The following EML5 variants were observed in gnomAD, a reference collection of about 807,000 sequenced individuals.
The protein encoded by EML5 is echinoderm microtubule-associated protein-like 5.
In EML5, 120 loss-of-function variants were observed where a neutral mutation model predicts 250.0. The observed-to-expected ratio is 0.48, with a 90% confidence interval of 0.41 to 0.56. The LOEUF (loss-of-function observed/expected upper bound fraction) is 0.56. Ranked by LOEUF, EML5 falls within the 20% of genes least tolerant of loss-of-function variation. The pLI is 0.00. For missense variants in EML5, 2,006 were observed against 2,437.6 expected (o/e 0.82, Z 3.73); for synonymous variants, 771 against 806.5 (o/e 0.96, Z 0.75).
intron 14 of EML5, 41 bp from the exon 15 acceptor site, chr14:88,696,993 A>C (rs1201819373): frequency 4.0e-6 from 5 of 1,252,680 alleles, no homozygotes; most frequent in Non-Finnish European, 4.3e-6. Context: ...CAATTAAATT[A>C]TTTATTTCCA....
At chr14:88,726,878 A>AT (rs1161605998) in intron 7 of EML5, among the ~76,000 whole-genome samples, 200 bp from the exon 8 acceptor site, 2 of 152,026 alleles carry the variant, frequency 1.3e-5, no homozygotes, top group Admixed American at 6.6e-5. Flanking sequence ...TTTGCTTTGA[A>AT]TTTTTTTGGC....
chr14:88,719,662 T>TA (rs2093559130), intron 8 of EML5, among the ~76,000 whole-genome samples: 1 of 151,808 alleles, frequency 6.6e-6, no homozygotes, highest in Non-Finnish European at 1.5e-5. Context: ...CATATGACTC[T>TA]ATGATATGAG....
chr14:88,660,497 C>T (rs981088852), intron 25 of EML5, among the ~76,000 whole-genome samples: 1 of 152,008 alleles, frequency 6.6e-6, no homozygotes, highest in African/African-American at 2.4e-5. Context: ...AATCCTAGTA[C>T]TTTGGGAGGT....
chr14:88,780,809 G>A (rs778556796), intron 1 of EML5, among the ~76,000 whole-genome samples: 6 of 152,130 alleles, frequency 3.9e-5, no homozygotes, highest in Non-Finnish European at 5.9e-5. Context: ...TCTTGACCTC[G>A]TGATCCATCT....
intron 13 of EML5, 97 bp from the exon 14 acceptor site, chr14:88,702,729 AT>A: frequency 2.3e-6 from 2 of 867,556 alleles, no homozygotes; most frequent in Non-Finnish European, 3.3e-6. Flanking sequence ...TGGGTGAATC[AT>A]TCAATTTCCA....
At chr14:88,665,710 G>A (rs1486134684) in intron 21 of EML5, among the ~76,000 whole-genome samples, 3 of 152,098 alleles carry the variant, frequency 2.0e-5, no homozygotes, top group African/African-American at 7.2e-5. Flanking sequence ...GAGAAGGGGC[G>A]AGGGGGAAGA....
At chr14:88,653,091 C>T (rs1181498349) in intron 27 of EML5, among the ~76,000 whole-genome samples, 2 of 151,964 alleles carry the variant, frequency 1.3e-5, no homozygotes, top group Non-Finnish European at 2.9e-5. Flanking sequence ...CATGATTTGG[C>T]TGTTTGTCTA....
At chr14:88,693,599 T>G (rs561130518) in intron 17 of EML5, among the ~76,000 whole-genome samples, 2 of 152,224 alleles carry the variant, frequency 1.3e-5, no homozygotes, top group South Asian at 4.1e-4. Context: ...ATGCAGCCAA[T>G]AAATGGCAAT....
chr14:88,679,560 C>T (rs555389234), intron 21 of EML5, among the ~76,000 whole-genome samples: 55 of 152,144 alleles, frequency 3.6e-4, no homozygotes, highest in African/African-American at 6.7e-4. Context: ...GCCGTGGTGG[C>T]GCACGCCTGT....
chr14:88,621,389 T>C, intron 37 of EML5, 88 bp from the exon 38 acceptor site: 1 of 1,529,078 alleles, frequency 6.5e-7, no homozygotes, highest in Middle Eastern at 1.7e-4. Context: ...ATTGACCTGC[T>C]TTCAGAGAAC....
At chr14:88,785,323 C>T (rs563277094) in intron 1 of EML5, among the ~76,000 whole-genome samples, 22 of 152,196 alleles carry the variant, frequency 1.4e-4, no homozygotes, top group Admixed American at 1.1e-3. Context: ...TTTAGAATAA[C>T]TAAAAGGTTG....
intron 8 of EML5, among the ~76,000 whole-genome samples, chr14:88,722,777 T>A (rs1053049643): frequency 6.6e-6 from 1 of 151,936 alleles, no homozygotes; most frequent in Non-Finnish European, 1.5e-5. Flanking sequence ...TAAAAAAAAA[T>A]TTGCAACCCC....
chr14:88,727,471 G>A (rs1434911603), intron 7 of EML5, among the ~76,000 whole-genome samples: 3 of 144,908 alleles, frequency 2.1e-5, no homozygotes, highest in Non-Finnish European at 3.0e-5. Flanking sequence ...GTGTGATCTC[G>A]GCTCACTGCA....
intron 1 of EML5, among the ~76,000 whole-genome samples, chr14:88,780,125 T>C (rs964503927): frequency 6.6e-6 from 1 of 152,086 alleles, no homozygotes; most frequent in Admixed American, 6.6e-5. Flanking sequence ...CTAATTTTTG[T>C]ATTTTTAGTA....
At chr14:88,644,233 G>A (rs1179340143) in intron 30 of EML5, among the ~76,000 whole-genome samples, 200 bp downstream of exon 30, 1 of 152,126 alleles carries the variant, frequency 6.6e-6, no homozygotes, top group Non-Finnish European at 1.5e-5. Flanking sequence ...TCACAGAAAA[G>A]TAAAAGGAAG....
intron 7 of EML5, among the ~76,000 whole-genome samples, chr14:88,729,851 A>C (rs2093725945): frequency 1.4e-5 from 2 of 144,362 alleles, no homozygotes; most frequent in South Asian, 2.2e-4. Context: ...ATAAGCCACC[A>C]CACTCGGTCT....
At chr14:88,765,590 T>G (rs79412496) in intron 1 of EML5, among the ~76,000 whole-genome samples, 78 of 152,302 alleles carry the variant, frequency 5.1e-4, no homozygotes, top group Non-Finnish European at 9.8e-4. Context: ...TAATTCAAGA[T>G]ACTCTCAATA....
At position 88,644,478 on chromosome 14, in the gene EML5, C is replaced by T. The variant is rs369750451; in HGVS notation, c.4062G>A (p.Glu1354=). 2 of 1,613,610 alleles carry T rather than the reference C, an allele frequency of 1.2e-6. No homozygotes were observed. The highest frequency in any genetic ancestry group is 1.7e-6 in the Non-Finnish European group (2 of 1,179,776). The change falls in exon 30 of 44, where the codon GAG becomes GAA. Residue 1354 remains glutamate, a synonymous_variant. Transcript: ENST00000554922. ...TGCCTACATTGTTTGTCTGGAGTTTCTCTGGCTGTGGTGGGGCCCTGCTCA... is the reference window on the plus strand; with the variant it reads ...TGCCTACATTGTTTGTCTGGAGTTTTTCTGGCTGTGGTGGGGCCCTGCTCA... The part of the protein sequence containing the change: ...PPVSRAPPQP[E]KLQTNNVGKK...
chr14:88,641,104 C>T (rs748629832), intron 31 of EML5, among the ~76,000 whole-genome samples: 9 of 151,856 alleles, frequency 5.9e-5, no homozygotes, highest in Non-Finnish European at 1.3e-4. Context: ...TAATGAGTTC[C>T]AAAATTGAAT....
Sources: allele counts gnomAD v4.1 joint callset (sites outside exome capture counted in the v4.1 genomes callset), GRCh38; gene constraint gnomAD v4.1.1; transcripts MANE v1.5; gene names NCBI Gene and HGNC (gene_info 2026-07-23, HGNC 2026-07-21).